The following ERG28 variants were observed in gnomAD, a reference collection of about 807,000 sequenced individuals.
ERG28 encodes ergosterol biosynthesis 28 homolog, also known as ergosterol biosynthetic protein 28 homolog.
ERG28 carries 9 observed loss-of-function variants against 15.7 expected under a neutral mutation model. The ratio of observed to expected loss-of-function variants is 0.57; its 90% confidence interval spans 0.35 to 1.00. The LOEUF (loss-of-function observed/expected upper bound fraction) is 1.00, where lower values mean the gene tolerates loss of function less well. ERG28 is among the 50% of genes least tolerant of loss of function. The pLI, the probability that ERG28 is intolerant of heterozygous loss-of-function variation, is 0.02. For synonymous variants in ERG28, 61 were observed against 68.4 expected (o/e 0.89, Z 0.53); for missense variants, 117 against 173.3 (o/e 0.68, Z 1.82).
chr14:75,657,560 G>C (rs1890614832), intron 1 of ERG28, 27 bp from the exon 2 acceptor site: 5 of 1,599,476 alleles, frequency 3.1e-6, no homozygotes, highest in Non-Finnish European at 4.3e-6. Flanking sequence ...GAGGACATGA[G>C]ACAATGAGGG....
chr14:75,660,208 G>A (rs1369947212), intron 1 of ERG28, among the ~76,000 whole-genome samples: 1 of 152,216 alleles, frequency 6.6e-6, no homozygotes, highest in Non-Finnish European at 1.5e-5. Context: ...CAGAGCCTGA[G>A]CACTTCTGAA....
intron 1 of ERG28, 137 bp from the exon 2 acceptor site, chr14:75,657,670 G>A: frequency 1.4e-6 from 1 of 696,624 alleles, no homozygotes; most frequent in Non-Finnish European, 2.3e-6. Flanking sequence ...AGTATACTTT[G>A]CAATAAGTGG....
chr14:75,651,179 A>G lies in ERG28; in HGVS notation c.*376T>C, dbSNP rs1011423985. On this transcript the variant is annotated 3_prime_UTR_variant, in exon 5 of 5. Coordinates refer to ENST00000256319, the MANE Select transcript of ERG28 (RefSeq NM_007176.4). Reference sequence around the variant, plus strand: ...TGGGTGGGCAGCAGGTTTAAGTTTCATAGTTCACATGTTCCCACCACACAA... The same window carrying G: ...TGGGTGGGCAGCAGGTTTAAGTTTCGTAGTTCACATGTTCCCACCACACAA... 3.5e-5 allele frequency: 6 copies of G among 173,026 alleles called. No individual in the cohort carries two copies. Among genetic ancestry groups the G allele is most frequent in the South Asian group, 1.2e-4 (1 of 8,056 alleles). 10.7% of individuals were successfully genotyped at this position (173,026 alleles called of 1,614,324 possible). A position where few individuals can be genotyped will look rare whatever the true frequency, so the allele number is the denominator to read the frequency against.
intron 3 of ERG28, among the ~76,000 whole-genome samples, chr14:75,654,314 G>T (rs1161098079): frequency 6.6e-6 from 1 of 152,160 alleles, no homozygotes; most frequent in Non-Finnish European, 1.5e-5. Context: ...AAGAAAGCTC[G>T]AGCCCCCTCT....
chr14:75,654,342 A>G (rs1270258705), intron 3 of ERG28, among the ~76,000 whole-genome samples: 1 of 152,188 alleles, frequency 6.6e-6, no homozygotes, highest in African/African-American at 2.4e-5. Flanking sequence ...AGCACTGGTT[A>G]TGGCTTCTGA....
At chr14:75,653,510 G>A (rs1194427350) in intron 3 of ERG28, among the ~76,000 whole-genome samples, 1 of 151,826 alleles carries the variant, frequency 6.6e-6, no homozygotes, top group Non-Finnish European at 1.5e-5. Context: ...GCTGAGGCAG[G>A]AGAATGGCTT....
intron 2 of ERG28, 61 bp from the exon 3 acceptor site, chr14:75,655,037 C>T (rs1566802378): frequency 1.3e-6 from 2 of 1,495,742 alleles, no homozygotes; most frequent in Non-Finnish European, 1.9e-6. Context: ...CTTCCAAACT[C>T]CTCCTATTTC....
intron 3 of ERG28, among the ~76,000 whole-genome samples, chr14:75,653,592 A>C (rs1343152263): frequency 6.7e-6 from 1 of 150,104 alleles, no homozygotes; most frequent in African/African-American, 2.5e-5. Flanking sequence ...TGGGTGACAG[A>C]GCAAGACTGT....
At chr14:75,657,571 C>A (rs1789290537) in intron 1 of ERG28, 38 bp from the exon 2 acceptor site, 1 of 1,576,786 alleles carries the variant, frequency 6.3e-7, no homozygotes. Flanking sequence ...ACAATGAGGG[C>A]CAGTCTATGT....
At chr14:75,652,393 T>C (rs1890538333) in intron 3 of ERG28, among the ~76,000 whole-genome samples, 1 of 152,208 alleles carries the variant, frequency 6.6e-6, no homozygotes, top group African/African-American at 2.4e-5. Context: ...TCTTGCAATA[T>C]ACGTTGGTTA....
chr14:75,650,435 T>C lies in ERG28; in HGVS notation c.*1120A>G, dbSNP rs1323295646. 6.6e-6 allele frequency: 1 copy of C among 152,258 alleles called. No individual in the cohort carries two copies. Among genetic ancestry groups the C allele is most frequent in the Non-Finnish European group, 1.5e-5 (1 of 68,076 alleles). 9.4% of individuals were successfully genotyped at this position (152,258 alleles called of 1,614,324 possible). ...CAACAAATATTTGCTGAAATAGCAA[T>C]GGCCTTTTGGATACACACACTGTGT... On this transcript the variant is annotated 3_prime_UTR_variant, in exon 5 of 5. Transcript: ENST00000256319.
chr14:75,653,068 C>T (rs1353440675), intron 3 of ERG28, among the ~76,000 whole-genome samples: 3 of 151,908 alleles, frequency 2.0e-5, no homozygotes, highest in Admixed American at 6.6e-5. Flanking sequence ...AAGTGATCTG[C>T]CCACCTTGGC....
In ERG28 at chr14:75,651,486, G is replaced by A. The variant is rs1890525221; in HGVS notation, c.*69C>T. 2 of 1,416,710 alleles carry A rather than the reference G, an allele frequency of 1.4e-6. No homozygotes were observed. The highest frequency in any genetic ancestry group is 1.2e-5 in the South Asian group (1 of 82,724). The allele number at this position is 1,416,710 out of a possible 1,614,324, so 87.8% of individuals were successfully genotyped here. On this transcript the variant is annotated 3_prime_UTR_variant, in exon 5 of 5. Transcript: ENST00000256319. ...ATGGAATAGAAAAGAAATTAAAGAG[G>A]AGAGACGACGAAGGAAGAAGATGGC... is the stretch of plus-strand genomic sequence containing the variant.
rs145485191 is a variant in ERG28 at position 75,657,576 on chromosome 14, CTA to C, written c.-31-45_-31-44del. 4,576 of 1,553,650 alleles carry C rather than the reference CTA, an allele frequency of 2.9e-3. 119 individuals carry two copies. The African/African-American group carries it at 0.055, about 19-fold the overall frequency. On this transcript the variant is annotated intron_variant, in intron 1 of 4. Transcript: ENST00000256319. ...AGGACATGAGACAATGAGGGCCAGTCTATGTTAACCATAAGCAGGAAGGGAGG... is the reference window on the plus strand; with the variant it reads ...AGGACATGAGACAATGAGGGCCAGTCTGTTAACCATAAGCAGGAAGGGAGG...
intron 3 of ERG28, among the ~76,000 whole-genome samples, chr14:75,653,021 G>A (rs540700310): frequency 1.3e-5 from 2 of 151,446 alleles, no homozygotes; most frequent in South Asian, 2.1e-4. Flanking sequence ...ATGGGGTTTC[G>A]CCATGTTGGC....
chr14:75,652,556 A>C (rs1037894601), intron 3 of ERG28, among the ~76,000 whole-genome samples: 4 of 152,162 alleles, frequency 2.6e-5, no homozygotes, highest in African/African-American at 9.7e-5. Flanking sequence ...TTTTAGTATA[A>C]AATTTTTTAA....
At chr14:75,651,986 T>G in intron 3 of ERG28, 97 bp from the exon 4 acceptor site, 1 of 1,074,204 alleles carries the variant, frequency 9.3e-7, no homozygotes, top group Non-Finnish European at 1.4e-6. Flanking sequence ...GAACCCAGGA[T>G]GTCATTAAGA....
intron 1 of ERG28, among the ~76,000 whole-genome samples, chr14:75,660,238 A>G (rs1398829625): frequency 6.6e-6 from 1 of 152,108 alleles, no homozygotes; most frequent in African/African-American, 2.4e-5. Flanking sequence ...CAATTTCTCA[A>G]CCTAATTTCC....
At chr14:75,656,983 C>T (rs1323130148) in intron 2 of ERG28, among the ~76,000 whole-genome samples, 1 of 150,834 alleles carries the variant, frequency 6.6e-6, no homozygotes, top group African/African-American at 2.4e-5. Context: ...CACAGAGTCA[C>T]CAAGTAAGTC....
Sources: allele counts gnomAD v4.1 joint callset (sites outside exome capture counted in the v4.1 genomes callset), GRCh38; gene constraint gnomAD v4.1.1; transcripts MANE v1.5; gene names NCBI Gene and HGNC (gene_info 2026-07-23, HGNC 2026-07-21).